Variants in CEP126 observed in about 807,000 individuals in gnomAD.
The protein encoded by CEP126 is centrosomal protein of 126 kDa.
A neutral mutation model predicts 107.8 loss-of-function variants in CEP126; 74 were observed. That is an observed-to-expected ratio of 0.69 (90% CI 0.57 to 0.83). CEP126 has a LOEUF of 0.83. CEP126 is among the 40% of genes least tolerant of loss of function. The pLI is 0.00. For missense variants in CEP126, 1,237 were observed against 1,281.9 expected (o/e 0.96, Z 0.53); for synonymous variants, 449 against 446.0 (o/e 1.01, Z -0.08).
Position 101,962,802 on chromosome 11 carries a change from T to C in CEP126, c.1767T>C (p.Tyr589=). ...LKKESKYEHG[Y]LKALIINQSF... is the part of the protein sequence containing the mutation. ...AAGAATCTAAATATGAACATGGTTA[T>C]CTTAAGGCATTAATTATAAATCAGA... The change falls in exon 6 of 11, where the codon TAT becomes TAC. Residue 589 remains tyrosine, a synonymous_variant. Coordinates refer to ENST00000263468, the MANE Select transcript of CEP126 (RefSeq NM_020802.4). 6.2e-7 allele frequency: 1 copy of C among 1,601,994 alleles called. No individual in the cohort carries two copies. The highest frequency in any genetic ancestry group is 8.5e-7 in the Non-Finnish European group (1 of 1,176,172).
intron 6 of CEP126, among the ~76,000 whole-genome samples, chr11:101,971,317 T>C (rs1220064628): frequency 7.6e-6 from 1 of 131,260 alleles, no homozygotes; most frequent in African/African-American, 2.8e-5. Context: ...AGATTTTTCA[T>C]AATACACATG....
In CEP126 at chr11:101,978,386, A is replaced by G. The variant is rs985158281; in HGVS notation, c.2885A>G (p.Lys962Arg). Reference sequence around the variant, plus strand: ...AGAAGAAAACGAATTGCTGAAACTAAGCGGAGAAATATTTTAGAGCAGAAA... The same window carrying G: ...AGAAGAAAACGAATTGCTGAAACTAGGCGGAGAAATATTTTAGAGCAGAAA... ...VMRRKRIAET[K>R]RRNILEQKRQ... Residue 962 changes from lysine to arginine, a missense_variant, in exon 7 of 11, where the codon AAG becomes AGG. By Grantham distance (26) the Lys-to-Arg change is conservative. This residue lies in a region of CEP126 where 1,134 missense variants were observed against 1,150.5 expected (regional missense o/e 0.99). Coordinates refer to ENST00000263468, the MANE Select transcript of CEP126 (RefSeq NM_020802.4). The G allele has an allele frequency of 1.9e-6, 3 of 1,613,558 alleles. No homozygotes were observed. The highest frequency in any genetic ancestry group is 4.5e-5 in the East Asian group (2 of 44,796).
At chr11:101,924,370 T>C (rs1401026367) in intron 2 of CEP126, among the ~76,000 whole-genome samples, 2 of 152,182 alleles carry the variant, frequency 1.3e-5, no homozygotes, top group African/African-American at 2.4e-5. Flanking sequence ...CTTTACATCA[T>C]TTAAGTTTAT....
intron 6 of CEP126, among the ~76,000 whole-genome samples, chr11:101,966,744 A>C (rs1565363695): frequency 6.6e-6 from 1 of 152,142 alleles, no homozygotes; most frequent in East Asian, 1.9e-4. Flanking sequence ...TCTGGACCTC[A>C]TCAACATTCA....
intron 3 of CEP126, 73 bp from the exon 4 acceptor site, chr11:101,947,958 A>T: frequency 1.7e-6 from 1 of 600,300 alleles, no homozygotes; most frequent in Non-Finnish European, 2.8e-6. Flanking sequence ...ATCATTAACC[A>T]ATTAAATTAT....
At chr11:101,957,196 A>G (rs902607654) in intron 4 of CEP126, among the ~76,000 whole-genome samples, 3 of 152,200 alleles carry the variant, frequency 2.0e-5, no homozygotes, top group Non-Finnish European at 4.4e-5. Context: ...AGATATATAT[A>G]TGGATATTGG....
intron 6 of CEP126, among the ~76,000 whole-genome samples, chr11:101,975,233 C>T (rs537759541): frequency 1.3e-5 from 2 of 151,850 alleles, no homozygotes; most frequent in African/African-American, 2.4e-5. Context: ...ATGACTCGTT[C>T]GTCAATTGTG....
At position 101,956,976 on chromosome 11, in the gene CEP126, G is replaced by C. The variant is rs1226619067; in HGVS notation, c.507-1192G>C. On this transcript the variant is annotated intron_variant, in intron 4 of 10. Coordinates refer to ENST00000263468, the MANE Select transcript of CEP126 (RefSeq NM_020802.4). ...AATTGAGTTTATTAGATATTTTGTA[G>C]ATATAGCAATATTTTGTTTGGGAAG... is the stretch of plus-strand genomic sequence containing the variant. 9.5e-6 allele frequency: 3 copies of C among 315,876 alleles called. No homozygotes were observed. In the East Asian group the frequency reaches 2.8e-4, roughly 29 times the overall value. The allele number at this position is 315,876 out of a possible 1,614,324, so 19.6% of individuals were successfully genotyped here.
intron 4 of CEP126, chr11:101,955,675 A>G (rs899534308): frequency 5.6e-6 from 2 of 357,696 alleles, no homozygotes; most frequent in African/African-American, 4.3e-5. Context: ...CATGGACCCT[A>G]TGGACAAGAA....
rs570129853 is a variant in CEP126 at position 101,992,140 on chromosome 11, T to A, written c.3245-638T>A. ...GTTTTATATACTCTGTATTTTAAAA[T>A]TAAAACTATTTTTAAAAAAAAATAA... is the stretch of plus-strand genomic sequence containing the variant. On this transcript the variant is annotated intron_variant, in intron 9 of 10. Transcript: ENST00000263468. Among the ~76,000 whole-genome samples the A allele has an allele frequency of 1.3e-4, 19 of 141,790 alleles. 2 individuals are homozygous for A. The South Asian group carries it at 4.5e-3, about 34-fold the overall frequency. 93.0% of individuals were successfully genotyped at this position (141,790 alleles called of 152,430 possible).
chr11:101,942,627 A>G (rs1940681495), intron 2 of CEP126, among the ~76,000 whole-genome samples: 1 of 151,252 alleles, frequency 6.6e-6, no homozygotes, highest in South Asian at 2.1e-4. Context: ...ATAAATGTTA[A>G]AATGGATTTT....
intron 3 of CEP126, 128 bp from the exon 4 acceptor site, chr11:101,947,903 T>C (rs544948360): frequency 8.7e-5 from 37 of 425,394 alleles, no homozygotes; most frequent in Non-Finnish European, 1.4e-4. Flanking sequence ...ATTTACACTA[T>C]TCTGAAAATA....
At chr11:101,923,874 C>T (rs970244715) in intron 2 of CEP126, among the ~76,000 whole-genome samples, 4 of 152,096 alleles carry the variant, frequency 2.6e-5, no homozygotes, top group Non-Finnish European at 4.4e-5. Context: ...GAATTAATTA[C>T]ATCTATTTCA....
At position 101,962,207 on chromosome 11, in the gene CEP126, C is replaced by T; in HGVS notation, c.1172C>T (p.Thr391Ile). Reference sequence around the variant, plus strand: ...TGTGAAAAGACCTCTGAAACTAGCACTATGAGGACAACTGACTCCACTTCT... The same window carrying T: ...TGTGAAAAGACCTCTGAAACTAGCATTATGAGGACAACTGACTCCACTTCT... ...KKCEKTSETS[T>I]MRTTDSTSGA... Residue 391 changes from threonine (T) to isoleucine (I), a missense_variant, in exon 6 of 11, where the codon ACT (threonine) becomes ATT (isoleucine). Physicochemically the swap from Thr to Ile is moderately conservative, Grantham distance 89. This residue lies in a region of CEP126 where 1,134 missense variants were observed against 1,150.5 expected (regional missense o/e 0.99). Transcript: ENST00000263468. The T allele has an allele frequency of 6.2e-7, 1 of 1,613,870 alleles. No individual in the cohort carries two copies. Among genetic ancestry groups the T allele is most frequent in the East Asian group, 2.2e-5 (1 of 44,864 alleles).
At position 101,961,898 on chromosome 11, in the gene CEP126, T is replaced by G. The variant is rs779481661; in HGVS notation, c.863T>G (p.Met288Arg). 2.5e-6 allele frequency: 4 copies of G among 1,613,140 alleles called. No individual in the cohort carries two copies. The East Asian group carries it at 6.7e-5, about 27-fold the overall frequency. The change falls in exon 6 of 11, where the codon ATG becomes AGG. Residue 288 changes from methionine (M) to arginine (R), a missense_variant. Around this residue, in one of 3 missense-constraint regions of CEP126, gnomAD observed 1,134 missense variants for 1,150.5 expected, o/e 0.99. Coordinates refer to ENST00000263468, the MANE Select transcript of CEP126 (RefSeq NM_020802.4). ...RNTISLKPAN[M>R]QSTNLSCFDE... The stretch of plus-strand genomic sequence containing the variant: ...ACCATTTCCCTCAAACCAGCAAATA[T>G]GCAATCAACTAATCTCAGCTGCTTT...
chr11:101,926,690 T>C (rs1399525564), intron 2 of CEP126, among the ~76,000 whole-genome samples: 2 of 152,224 alleles, frequency 1.3e-5, no homozygotes, highest in Admixed American at 6.5e-5. Flanking sequence ...TAATTATAGA[T>C]GAAGCATGAA....
At chr11:101,919,280 G>GA (rs966070109) in intron 1 of CEP126, among the ~76,000 whole-genome samples, 2 of 151,934 alleles carry the variant, frequency 1.3e-5, no homozygotes, top group South Asian at 2.1e-4. Context: ...TAGATTTGGG[G>GA]AAAAAATGGG....
intron 1 of CEP126, among the ~76,000 whole-genome samples, chr11:101,917,603 TAAAA>T (rs199615063): frequency 1.4e-4 from 20 of 137,998 alleles, no homozygotes; most frequent in Non-Finnish European, 3.2e-5. Flanking sequence ...AAATGGAATT[TAAAA>T]AAAAAAAAAA....
At chr11:101,923,477 T>C (rs1284942950) in intron 2 of CEP126, among the ~76,000 whole-genome samples, 1 of 152,212 alleles carries the variant, frequency 6.6e-6, no homozygotes, top group African/African-American at 2.4e-5. Context: ...TTCTACAATA[T>C]ATGAATAGCA....
Sources: gnomAD v4.1 joint callset for allele counts (sites outside exome capture counted in the v4.1 genomes callset) on GRCh38, gnomAD v4.1.1 for gene constraint, gnomAD v4.1.1 regional missense constraint, MANE v1.5 for transcripts, NCBI Gene and HGNC (gene_info 2026-07-23, HGNC 2026-07-21) for gene names.